The following SGMS1 variants were observed in gnomAD, a reference collection of about 807,000 sequenced individuals.
The protein encoded by SGMS1 is sphingomyelin synthase 1, also known as phosphatidylcholine:ceramide cholinephosphotransferase 1.
Under a neutral mutation model 46.2 loss-of-function variants are expected in SGMS1, and 13 were observed. The ratio of observed to expected loss-of-function variants is 0.28; its 90% confidence interval spans 0.18 to 0.45. The LOEUF (loss-of-function observed/expected upper bound fraction) is 0.45. Ranked by LOEUF, SGMS1 falls within the 20% of genes least tolerant of loss-of-function variation. SGMS1 has a pLI of 1.00. For synonymous variants in SGMS1, 203 were observed against 187.8 expected (o/e 1.08, Z -0.66); for missense variants, 324 against 519.9 (o/e 0.62, Z 3.66).
intron 5 of SGMS1, among the ~76,000 whole-genome samples, chr10:50,437,244 A>G (rs543292710): frequency 6.6e-6 from 1 of 152,312 alleles, no homozygotes; most frequent in Non-Finnish European, 1.5e-5. Flanking sequence ...TCACTAGGAG[A>G]CCACAAAAGG....
chr10:50,593,051 C>A (rs1344912525), intron 1 of SGMS1, among the ~76,000 whole-genome samples: 1 of 151,102 alleles, frequency 6.6e-6, no homozygotes, highest in African/African-American at 2.4e-5. Context: ...TCCAAAGACT[C>A]CACCTTCCAT....
intron 2 of SGMS1, among the ~76,000 whole-genome samples, chr10:50,574,220 A>G (rs1838360450): frequency 6.6e-6 from 1 of 152,206 alleles, no homozygotes; most frequent in Admixed American, 6.5e-5. Flanking sequence ...AACCTATGGA[A>G]TGGGGGAAAT....
intron 8 of SGMS1, among the ~76,000 whole-genome samples, chr10:50,316,762 A>G (rs2842090): frequency 0.073 from 11,125 of 152,232 alleles, 966 homozygotes; most frequent in East Asian, 0.33. Context: ...ACACGAATCA[A>G]GTAACAGGAT....
chr10:50,502,054 G>T (rs1323059897), intron 3 of SGMS1, among the ~76,000 whole-genome samples: 1 of 152,080 alleles, frequency 6.6e-6, no homozygotes, highest in East Asian at 1.9e-4. Flanking sequence ...TACTGTGTTT[G>T]CAATTTAGAA....
intron 1 of SGMS1, among the ~76,000 whole-genome samples, chr10:50,622,790 C>T (rs1328297637): frequency 2.0e-5 from 3 of 152,246 alleles, no homozygotes; most frequent in African/African-American, 4.8e-5. Context: ...TTCACCAGAA[C>T]GCTCCAGGCT....
chr10:50,451,215 C>T (rs1837105262), intron 5 of SGMS1, among the ~76,000 whole-genome samples: 1 of 152,042 alleles, frequency 6.6e-6, no homozygotes, highest in South Asian at 2.1e-4. Context: ...CTAAGCCCTC[C>T]AAATATTAAT....
intron 7 of SGMS1, chr10:50,341,075 G>A (rs1847810952): frequency 3.5e-6 from 1 of 282,810 alleles, no homozygotes; most frequent in Admixed American, 4.1e-5. Flanking sequence ...ACAAAAACAG[G>A]GAGAAGTTAA....
At chr10:50,540,513 G>A (rs1010275538) in intron 2 of SGMS1, among the ~76,000 whole-genome samples, 2 of 152,278 alleles carry the variant, frequency 1.3e-5, no homozygotes, top group East Asian at 3.9e-4. Context: ...GCTATCAAGG[G>A]GGTCAATGTC....
chr10:50,432,049 T>A (rs1849409684), intron 6 of SGMS1, among the ~76,000 whole-genome samples: 1 of 152,158 alleles, frequency 6.6e-6, no homozygotes, highest in Non-Finnish European at 1.5e-5. Flanking sequence ...AACCAAACCT[T>A]GTTTTTATTC....
Position 50,305,971 on chromosome 10 carries a change from C to T in SGMS1, c.*1171G>A, listed in dbSNP as rs1217867971. 1 of 152,514 alleles carries T rather than the reference C, an allele frequency of 6.6e-6. No homozygotes were observed. The highest frequency in any genetic ancestry group is 1.5e-5 in the Non-Finnish European group (1 of 67,964). The allele number at this position is 152,514 out of a possible 1,614,324, so 9.4% of individuals were successfully genotyped here. On this transcript the variant is annotated 3_prime_UTR_variant, in exon 11 of 11. Transcript: ENST00000361781. ...TTACATGCAGTTTCTGCACAAATATCTTTTAAAGAAATAGATCTCTTTTTT... is the reference window on the plus strand; with the variant it reads ...TTACATGCAGTTTCTGCACAAATATTTTTTAAAGAAATAGATCTCTTTTTT...
At position 50,343,620 on chromosome 10, in the gene SGMS1, C is replaced by T; in HGVS notation, c.495G>A (p.Val165=). 3 of 1,614,116 alleles carry T rather than the reference C, an allele frequency of 1.9e-6. No individual in the cohort carries two copies. Among genetic ancestry groups the T allele is most frequent in the Non-Finnish European group, 2.5e-6 (3 of 1,180,012 alleles). Residue 165 remains valine, a synonymous_variant, in exon 7 of 11, where the codon GTG becomes GTA. Coordinates refer to ENST00000361781, the MANE Select transcript of SGMS1 (RefSeq NM_147156.4). ...AAAATGTGTCCGGTAGTGGAGGCTG[C>T]ACCTCCTTAGGAGGTACTCGTTCGT... ...VVHERVPPKE[V]QPPLPDTFFD... is the part of the protein sequence containing the mutation.
chr10:50,546,765 C>T (rs982792957), intron 2 of SGMS1, among the ~76,000 whole-genome samples: 2 of 151,918 alleles, frequency 1.3e-5, no homozygotes, highest in African/African-American at 4.8e-5. Context: ...GAGATATACC[C>T]AATGTAAATT....
At chr10:50,382,582 C>T (rs1848622594) in intron 6 of SGMS1, among the ~76,000 whole-genome samples, 1 of 150,070 alleles carries the variant, frequency 6.7e-6, no homozygotes, top group African/African-American at 2.5e-5. Flanking sequence ...CACACACACA[C>T]ACACACACAC....
At chr10:50,420,788 TTGTG>T (rs1377407196) in intron 6 of SGMS1, among the ~76,000 whole-genome samples, 1 of 152,082 alleles carries the variant, frequency 6.6e-6, no homozygotes, top group Non-Finnish European at 1.5e-5. Flanking sequence ...ACAATTGTGT[TTGTG>T]TGTGTGTGGA....
intron 1 of SGMS1, among the ~76,000 whole-genome samples, chr10:50,621,041 T>G (rs532294118): frequency 1.4e-4 from 21 of 152,052 alleles, no homozygotes; most frequent in Non-Finnish European, 2.5e-4. Context: ...CTGGGCTTAG[T>G]GGTGCGTGCG....
At chr10:50,624,006 C>A (rs946188539), upstream of SGMS1, 15 of 985,454 alleles carry the variant, frequency 1.5e-5, no homozygotes, top group Non-Finnish European at 1.8e-5. Context: ...TCCCGCGCGA[C>A]GCGACTCCGC....
chr10:50,443,200 A>G (rs1442637213), intron 5 of SGMS1, among the ~76,000 whole-genome samples: 3 of 152,214 alleles, frequency 2.0e-5, no homozygotes, highest in African/African-American at 4.8e-5. Context: ...CCTAATGTAG[A>G]TAAGGCATCC....
At chr10:50,534,371 A>G (rs986772757) in intron 2 of SGMS1, among the ~76,000 whole-genome samples, 1 of 152,244 alleles carries the variant, frequency 6.6e-6, no homozygotes, top group African/African-American at 2.4e-5. Flanking sequence ...AATGTCACCT[A>G]TTATTCAAAG....
chr10:50,494,240 CACAGAAAT>C (rs1837591197), intron 3 of SGMS1, among the ~76,000 whole-genome samples: 2 of 152,188 alleles, frequency 1.3e-5, no homozygotes. Context: ...AAGACCTGAA[CACAGAAAT>C]ACCATTTGAC....
Sources: gnomAD v4.1 joint callset for allele counts (sites outside exome capture counted in the v4.1 genomes callset) on GRCh38, gnomAD v4.1.1 for gene constraint, MANE v1.5 for transcripts, NCBI Gene and HGNC (gene_info 2026-07-23, HGNC 2026-07-21) for gene names.